The following TBC1D32 variants were observed in gnomAD, a reference collection of about 807,000 sequenced individuals.
The protein encoded by TBC1D32 is protein broad-minded.
A neutral mutation model predicts 170.3 loss-of-function variants in TBC1D32; 151 were observed. The observed-to-expected ratio is 0.89, with a 90% CI of 0.78 to 1.01. The LOEUF is 1.01. TBC1D32 is among the 50% of genes least tolerant of loss of function. TBC1D32 has a pLI of 0.00. For missense variants in TBC1D32, 1,464 were observed against 1,457.1 expected, an observed-to-expected ratio of 1.00 and a Z score of -0.08; for synonymous variants, 498 against 488.0, an observed-to-expected ratio of 1.02 and a Z score of -0.27.
At chr6:121,321,930 C>G in intron 1 of TBC1D32, 136 bp from the exon 2 acceptor site, 2 of 844,910 alleles carry the variant, frequency 2.4e-6, no homozygotes, top group Non-Finnish European at 3.4e-6. Flanking sequence ...CACAAATCAT[C>G]AAGCTAATCT....
chr6:121,203,360 T>C (rs183353410), intron 22 of TBC1D32, among the ~76,000 whole-genome samples: 18 of 151,444 alleles, frequency 1.2e-4, no homozygotes, highest in African/African-American at 3.9e-4. Flanking sequence ...AATACAAACT[T>C]TTCCTCAAAA....
chr6:121,329,088 TAGTA>T (rs1208903237), intron 1 of TBC1D32, among the ~76,000 whole-genome samples: 1 of 152,232 alleles, frequency 6.6e-6, no homozygotes, highest in African/African-American at 2.4e-5. Context: ...TATTCATCAG[TAGTA>T]ACTGATTATT....
At chr6:121,188,939 A>C (rs1265269069) in intron 22 of TBC1D32, among the ~76,000 whole-genome samples, 1 of 152,164 alleles carries the variant, frequency 6.6e-6, no homozygotes, top group East Asian at 1.9e-4. Context: ...GCTCCAATAG[A>C]TAAAACAAAA....
intron 22 of TBC1D32, among the ~76,000 whole-genome samples, chr6:121,179,519 C>T (rs1583096764): frequency 6.6e-6 from 1 of 151,766 alleles, no homozygotes; most frequent in East Asian, 1.9e-4. Flanking sequence ...GATGATAATA[C>T]ACAATATAAA....
At chr6:121,235,302 T>C (rs539225580) in intron 20 of TBC1D32, among the ~76,000 whole-genome samples, 7 of 152,148 alleles carry the variant, frequency 4.6e-5, no homozygotes, top group East Asian at 3.9e-4. Flanking sequence ...GGCAGGGCCA[T>C]AGAGTTCCAA....
intron 3 of TBC1D32, among the ~76,000 whole-genome samples, chr6:121,315,159 A>G (rs1232522888): frequency 6.6e-6 from 1 of 152,198 alleles, no homozygotes; most frequent in Non-Finnish European, 1.5e-5. Context: ...GAGAGAGGCT[A>G]GTTTTAAACT....
intron 22 of TBC1D32, among the ~76,000 whole-genome samples, chr6:121,181,255 T>C (rs1788468402): frequency 6.6e-6 from 1 of 152,142 alleles, no homozygotes. Flanking sequence ...AAATCTCATG[T>C]CAAATTGTAA....
At chr6:121,192,061 ACCCTT>A (rs1562844274) in intron 22 of TBC1D32, among the ~76,000 whole-genome samples, 769 of 19,762 alleles carry the variant, frequency 0.039, 29 homozygotes, top group Middle Eastern at 0.17. Context: ...TTAATAAACT[ACCCTT>A]TATATATATA....
chr6:121,301,415 T>C (rs1209280158), intron 9 of TBC1D32, among the ~76,000 whole-genome samples: 4 of 152,116 alleles, frequency 2.6e-5, no homozygotes, highest in African/African-American at 9.7e-5. Context: ...GAAACCATCA[T>C]TCTCAGCAAA....
chr6:121,273,303 T>A (rs1197438412), intron 15 of TBC1D32, among the ~76,000 whole-genome samples: 1 of 150,522 alleles, frequency 6.6e-6, no homozygotes, highest in Non-Finnish European at 1.5e-5. Context: ...TGGAATACTA[T>A]GCAGCCATAA....
At chr6:121,292,566 T>C (rs1805026410) in intron 11 of TBC1D32, among the ~76,000 whole-genome samples, 1 of 152,118 alleles carries the variant, frequency 6.6e-6, no homozygotes, top group African/African-American at 2.4e-5. Flanking sequence ...AAAGCCAGTA[T>C]TACAAAAGAT....
At chr6:121,288,013 G>T (rs1157297507) in intron 12 of TBC1D32, among the ~76,000 whole-genome samples, 1 of 152,088 alleles carries the variant, frequency 6.6e-6, no homozygotes, top group Non-Finnish European at 1.5e-5. Flanking sequence ...GTGTGTAGAG[G>T]GAAATTTATA....
intron 24 of TBC1D32, among the ~76,000 whole-genome samples, chr6:121,149,870 T>C (rs1047590358): frequency 6.6e-6 from 1 of 152,230 alleles, no homozygotes; most frequent in African/African-American, 2.4e-5. Flanking sequence ...TTCATGATAT[T>C]GATTATTCCT....
chr6:121,183,764 T>C (rs543269756), intron 22 of TBC1D32, among the ~76,000 whole-genome samples: 67 of 152,066 alleles, frequency 4.4e-4, no homozygotes, highest in Admixed American at 1.2e-3. Flanking sequence ...TGTATACCCA[T>C]TGGAAAGAAA....
intron 24 of TBC1D32, among the ~76,000 whole-genome samples, chr6:121,147,087 T>C (rs1464326271): frequency 1.3e-5 from 2 of 152,226 alleles, no homozygotes; most frequent in Non-Finnish European, 2.9e-5. Context: ...TTTTCTGTTC[T>C]TGCATTAATG....
intron 26 of TBC1D32, 79 bp downstream of exon 26, chr6:121,126,299 G>T (rs55731091): frequency 0.042 from 44,874 of 1,065,540 alleles, 1,095 homozygotes; most frequent in African/African-American, 0.075. Flanking sequence ...CTGCCTATCT[G>T]TAATATCATT....
chr6:121,291,300 A>C (rs1046554064), intron 12 of TBC1D32, among the ~76,000 whole-genome samples: 1 of 152,140 alleles, frequency 6.6e-6, no homozygotes, highest in Admixed American at 6.6e-5. Context: ...CCAACCTTGC[A>C]AGCTGGCCTT....
At chr6:121,153,579 G>A (rs549445899) in intron 24 of TBC1D32, among the ~76,000 whole-genome samples, 1 of 152,142 alleles carries the variant, frequency 6.6e-6, no homozygotes, top group East Asian at 1.9e-4. Context: ...TAAGTCTGCT[G>A]TAGCTGCACC....
intron 20 of TBC1D32, among the ~76,000 whole-genome samples, chr6:121,223,855 C>G (rs1005089344): frequency 6.6e-6 from 1 of 152,130 alleles, no homozygotes; most frequent in Non-Finnish European, 1.5e-5. Flanking sequence ...CCTATCAAAG[C>G]TAACCCATTT....
Sources: gnomAD v4.1 joint callset for allele counts (sites outside exome capture counted in the v4.1 genomes callset) on GRCh38, gnomAD v4.1.1 for gene constraint, MANE v1.5 for transcripts, NCBI Gene and HGNC (gene_info 2026-07-23, HGNC 2026-07-21) for gene names.